Variants in GTF2I observed in about 807,000 individuals in gnomAD.
The protein encoded by GTF2I is general transcription factor IIi.
In GTF2I, 12 loss-of-function variants were observed where a neutral mutation model predicts 67.6. The ratio of observed to expected loss-of-function variants is 0.18; its 90% confidence interval spans 0.11 to 0.29. The LOEUF (loss-of-function observed/expected upper bound fraction) is 0.29, where lower values mean the gene tolerates loss of function less well. GTF2I is among the 10% of genes least tolerant of loss of function. The probability of loss-of-function intolerance (pLI) is 1.00; values close to 1 mark genes in which losing one functional copy is unlikely to be tolerated. For synonymous variants in GTF2I, 149 were observed against 197.0 expected (o/e 0.76, Z 2.04); for missense variants, 271 against 580.1 (o/e 0.47, Z 5.47).
At chr7:74,708,579 C>G (rs1451834448) in intron 8 of GTF2I, among the ~76,000 whole-genome samples, 1 of 152,130 alleles carries the variant, frequency 6.6e-6, no homozygotes, top group African/African-American at 2.4e-5. Context: ...AACGAGGGTA[C>G]CAAGGAGTGA....
chr7:74,685,802 C>T (rs1787667540), intron 1 of GTF2I, among the ~76,000 whole-genome samples: 1 of 151,838 alleles, frequency 6.6e-6, no homozygotes, highest in African/African-American at 2.4e-5. Flanking sequence ...GGCGATGGCT[C>T]ACGCCGGTAA....
At chr7:74,680,099 A>AATATATATATATATATATAT (rs1554393663) in intron 1 of GTF2I, among the ~76,000 whole-genome samples, 5 of 94,964 alleles carry the variant, frequency 5.3e-5, no homozygotes, top group Non-Finnish European at 8.3e-5. Context: ...AAAAAAAAAA[A>AATATATATATATATATATAT]ATATATATAT....
intron 2 of GTF2I, among the ~76,000 whole-genome samples, chr7:74,689,906 AG>A (rs1788116252): frequency 6.6e-6 from 1 of 151,806 alleles, no homozygotes; most frequent in African/African-American, 2.4e-5. Flanking sequence ...TAGTAGAGAC[AG>A]GGTTTCACCA....
intron 3 of GTF2I, among the ~76,000 whole-genome samples, chr7:74,698,193 G>C (rs1482802406): frequency 6.6e-6 from 1 of 151,882 alleles, no homozygotes; most frequent in East Asian, 1.9e-4. Flanking sequence ...CTGACCTCGT[G>C]ATCCACCCGC....
At chr7:74,662,302 C>G (rs1554386955) in intron 1 of GTF2I, among the ~76,000 whole-genome samples, 2 of 148,130 alleles carry the variant, frequency 1.4e-5, no homozygotes, top group Admixed American at 6.9e-5. Flanking sequence ...TTACGCCCCC[C>G]CAGGGTCAAG....
At chr7:74,677,418 G>C (rs587654080) in intron 1 of GTF2I, among the ~76,000 whole-genome samples, 1 of 152,040 alleles carries the variant, frequency 6.6e-6, no homozygotes, top group Non-Finnish European at 1.5e-5. Flanking sequence ...TTCTGACTGA[G>C]GATGTTTCTG....
At chr7:74,708,744 A>G (rs1309024336) in intron 8 of GTF2I, among the ~76,000 whole-genome samples, 1 of 152,248 alleles carries the variant, frequency 6.6e-6, no homozygotes, top group East Asian at 1.9e-4. Flanking sequence ...AACCCAGAGG[A>G]TGGGTTTGCA....
rs1281523272 is a variant in GTF2I at position 74,659,517 on chromosome 7, G to A, written c.-6+1449G>A. Among the ~76,000 whole-genome samples the A allele has an allele frequency of 3.3e-5, 5 of 152,058 alleles. No individual in the cohort carries two copies. In the East Asian group the frequency reaches 9.7e-4, roughly 29 times the overall value. ...CCGTTCTCCTGCCTCAGCCTCCTGA[G>A]TAGCTGGGATTACAGGCGTGCCCAC... On this transcript the variant is annotated intron_variant, in intron 1 of 34. Transcript: ENST00000573035.
At chr7:74,671,954 A>G (rs1251826828) in intron 1 of GTF2I, among the ~76,000 whole-genome samples, 1 of 152,058 alleles carries the variant, frequency 6.6e-6, no homozygotes, top group African/African-American at 2.4e-5. Flanking sequence ...ACTGCATTCC[A>G]GCCTGGGTGA....
chr7:74,729,541 G>A (rs1330493847), intron 13 of GTF2I, among the ~76,000 whole-genome samples: 3 of 128,638 alleles, frequency 2.3e-5, no homozygotes, highest in Non-Finnish European at 3.3e-5. Context: ...GCAGAGGCAC[G>A]ATCTCAGCTC....
At chr7:74,686,717 C>T (rs1787754304) in intron 1 of GTF2I, among the ~76,000 whole-genome samples, 1 of 152,012 alleles carries the variant, frequency 6.6e-6, no homozygotes, top group South Asian at 2.1e-4. Flanking sequence ...TTAGTTTTAT[C>T]CAAGAGAAAA....
intron 1 of GTF2I, chr7:74,687,706 C>A: frequency 3.3e-6 from 1 of 301,868 alleles, no homozygotes; most frequent in Non-Finnish European, 4.9e-6. Flanking sequence ...CATTTTTAGG[C>A]ATAACAGTTT....
intron 3 of GTF2I, among the ~76,000 whole-genome samples, chr7:74,694,084 A>C (rs1348949780): frequency 1.3e-5 from 2 of 152,220 alleles, no homozygotes; most frequent in African/African-American, 4.8e-5. Context: ...GTGAACACGC[A>C]AATGATAAAG....
At position 74,714,902 on chromosome 7, in the gene GTF2I, C is replaced by G. The variant is rs781866719; in HGVS notation, c.809C>G (p.Ser270Trp). The stretch of plus-strand genomic sequence containing the variant: ...GATGTTGATGAAAAACAGCCCCTAT[C>G]GAAGCCTTTGCAAGGTATAATCTTT... The part of the protein sequence containing the change: ...TDDVDEKQPL[S>W]KPLQGSHHSS... The change falls in exon 10 of 35, where the codon TCG (serine) becomes TGG (tryptophan). Residue 270 changes from serine (S) to tryptophan (W), a missense_variant. Coordinates refer to ENST00000573035, the MANE Select transcript of GTF2I (RefSeq NM_032999.4). 1 of 1,604,618 alleles carries G rather than the reference C, an allele frequency of 6.2e-7. No homozygotes were observed. The highest frequency in any genetic ancestry group is 8.5e-7 in the Non-Finnish European group (1 of 1,173,784).
chr7:74,718,223 A>G (rs2131436908), intron 11 of GTF2I, among the ~76,000 whole-genome samples: 1 of 152,350 alleles, frequency 6.6e-6, no homozygotes, highest in Admixed American at 6.5e-5. Context: ...CTAACAAGTA[A>G]ACATAATCTT....
chr7:74,711,951 T>C (rs1172215626), intron 9 of GTF2I, among the ~76,000 whole-genome samples: 58 of 144,038 alleles, frequency 4.0e-4, no homozygotes, highest in African/African-American at 7.5e-4. Flanking sequence ...ATTTCTCTCT[T>C]TTTTTTTTTT....
chr7:74,660,969 C>A lies in GTF2I; in HGVS notation c.-6+2901C>A, dbSNP rs587669517. Among the ~76,000 whole-genome samples, 73 of 152,306 alleles carry A rather than the reference C, an allele frequency of 4.8e-4. 1 individual carries two copies. Among genetic ancestry groups the A allele is most frequent in the Middle Eastern group, 6.8e-3 (2 of 294 alleles). ...TTACATTTGAGTGTCTTCCGTGCCC[C>A]CTCCATGGCTCTTGAGCGCTTTGGA... On this transcript the variant is annotated intron_variant, in intron 1 of 34. Coordinates refer to ENST00000573035, the MANE Select transcript of GTF2I (RefSeq NM_032999.4).
rs587736825 is a variant in GTF2I, at chr7:74,710,462, G to A, written c.686-570G>A. On this transcript the variant is annotated intron_variant, in intron 8 of 34. Coordinates refer to ENST00000573035, the MANE Select transcript of GTF2I (RefSeq NM_032999.4). ...TGCCTATTTTGACCTTCATATGAGT[G>A]GAATTACACAACATGTACTCTTTTG... is the stretch of plus-strand genomic sequence containing the variant. 6.6e-5 allele frequency among the ~76,000 whole-genome samples: 10 copies of A among 152,118 alleles called. No homozygotes were observed. The South Asian group carries it at 2.1e-3, about 32-fold the overall frequency.
chr7:74,678,510 A>G (rs1224147572), intron 1 of GTF2I, among the ~76,000 whole-genome samples: 1 of 151,044 alleles, frequency 6.6e-6, no homozygotes, highest in Non-Finnish European at 1.5e-5. Flanking sequence ...ACAAGTAAAA[A>G]TAGTAGCCTG....
Sources: gnomAD v4.1 joint callset for allele counts (sites outside exome capture counted in the v4.1 genomes callset) on GRCh38, gnomAD v4.1.1 for gene constraint, MANE v1.5 for transcripts, NCBI Gene and HGNC (gene_info 2026-07-23, HGNC 2026-07-21) for gene names.